Variants in DNM3 observed in about 807,000 individuals in gnomAD.
DNM3 encodes dynamin 3, also known as dynamin-3.
A neutral mutation model predicts 101.6 loss-of-function variants in DNM3; 47 were observed. That is an observed-to-expected ratio of 0.46 (90% CI 0.37 to 0.59). The LOEUF is 0.59. Ranked by LOEUF, DNM3 falls within the 20% of genes least tolerant of loss-of-function variation. The pLI, the probability that DNM3 is intolerant of heterozygous loss-of-function variation, is 0.00. For missense variants in DNM3, 849 were observed against 1,085.7 expected, an observed-to-expected ratio of 0.78 and a Z score of 3.06; for synonymous variants, 385 against 387.9, an observed-to-expected ratio of 0.99 and a Z score of 0.09.
chr1:171,845,137 C>A (rs72713705), intron 1 of DNM3, among the ~76,000 whole-genome samples: 54 of 152,250 alleles, frequency 3.5e-4, no homozygotes, highest in Non-Finnish European at 7.5e-4. Context: ...GTGTTGATGA[C>A]CATAACCCAT....
At chr1:172,075,573 C>G (rs2052585174) in intron 11 of DNM3, among the ~76,000 whole-genome samples, 1 of 152,140 alleles carries the variant, frequency 6.6e-6, no homozygotes, top group Non-Finnish European at 1.5e-5. Flanking sequence ...ATAGGGAATC[C>G]TTTCCCCATT....
intron 14 of DNM3, among the ~76,000 whole-genome samples, chr1:172,157,973 G>A (rs113636947): frequency 6.6e-6 from 1 of 151,952 alleles, no homozygotes; most frequent in Non-Finnish European, 1.5e-5. Context: ...TAGGCACTGG[G>A]GATACAGCAG....
rs191030772 is a variant in DNM3 at position 172,278,000 on chromosome 1, C to T, written c.1769+24318C>T. Among the ~76,000 whole-genome samples the T allele has an allele frequency of 1.3e-3, 204 of 152,220 alleles. 2 individuals carry two copies. Among genetic ancestry groups the T allele is most frequent in the Non-Finnish European group, 1.4e-3 (97 of 67,994 alleles). ...TCCTAAAGGAAAGCATCTCTGAAAG[C>T]ATCTCTCAGCTCAGAGATTCATTGC... On this transcript the variant is annotated intron_variant, in intron 15 of 20. Transcript: ENST00000627582.
chr1:171,992,826 A>G (rs1445447676), intron 4 of DNM3, among the ~76,000 whole-genome samples: 1 of 150,752 alleles, frequency 6.6e-6, no homozygotes, highest in Non-Finnish European at 1.5e-5. Flanking sequence ...TGTGTTAAAT[A>G]TTTATTTTCT....
At position 172,110,960 on chromosome 1, in the gene DNM3, G is replaced by A. The variant is rs552830827; in HGVS notation, c.1545+18085G>A. Among the ~76,000 whole-genome samples the A allele has an allele frequency of 2.1e-3, 321 of 152,288 alleles. 4 individuals carry two copies. Among genetic ancestry groups the A allele is most frequent in the African/African-American group, 7.2e-3 (299 of 41,550 alleles). On this transcript the variant is annotated intron_variant, in intron 13 of 20. Transcript: ENST00000627582. ...CTAATGTGGAAGGATCCCCTGAGCCGGGGAGATCGAGGTTGCAGTAAGCTG... is the reference window on the plus strand; with the variant it reads ...CTAATGTGGAAGGATCCCCTGAGCCAGGGAGATCGAGGTTGCAGTAAGCTG...
intron 12 of DNM3, among the ~76,000 whole-genome samples, chr1:172,091,678 C>G (rs182084370): frequency 6.6e-6 from 1 of 151,990 alleles, no homozygotes; most frequent in Non-Finnish European, 1.5e-5. Flanking sequence ...TTGAGTAGGG[C>G]CTTGTAGACC....
intron 1 of DNM3, among the ~76,000 whole-genome samples, chr1:171,916,593 A>G (rs933518404): frequency 6.6e-6 from 1 of 152,146 alleles, no homozygotes; most frequent in African/African-American, 2.4e-5. Context: ...ACTGCCTTGG[A>G]CTTGACATTT....
At chr1:171,982,787 C>G (rs2044906904) in intron 2 of DNM3, among the ~76,000 whole-genome samples, 1 of 151,950 alleles carries the variant, frequency 6.6e-6, no homozygotes, top group South Asian at 2.1e-4. Context: ...ACAAGTAAAC[C>G]ACATAGTTAA....
intron 20 of DNM3, among the ~76,000 whole-genome samples, chr1:172,403,189 C>CTG (rs1301954025): frequency 1.3e-5 from 2 of 152,188 alleles, no homozygotes; most frequent in Non-Finnish European, 2.9e-5. Context: ...GACTGAACTA[C>CTG]ATAGGCCCAT....
At chr1:172,295,628 C>CA (rs1166352968) in intron 15 of DNM3, among the ~76,000 whole-genome samples, 2 of 151,672 alleles carry the variant, frequency 1.3e-5, no homozygotes, top group Admixed American at 1.3e-4. Context: ...ATATAGAAGC[C>CA]AAAAAGCCAG....
At chr1:172,352,332 T>C (rs1408562712) in intron 17 of DNM3, among the ~76,000 whole-genome samples, 1 of 152,216 alleles carries the variant, frequency 6.6e-6, no homozygotes, top group Non-Finnish European at 1.5e-5. Context: ...TATCTTTTAG[T>C]TGACTATTTG....
intron 16 of DNM3, among the ~76,000 whole-genome samples, chr1:172,314,566 C>T (rs921377324): frequency 3.9e-5 from 6 of 152,218 alleles, no homozygotes; most frequent in African/African-American, 1.2e-4. Flanking sequence ...GCTTAGGAAA[C>T]GGTGCACCAG....
chr1:172,297,820 G>T (rs1461278061), intron 15 of DNM3, among the ~76,000 whole-genome samples: 1 of 151,820 alleles, frequency 6.6e-6, no homozygotes, highest in East Asian at 1.9e-4. Flanking sequence ...CCACCTGATT[G>T]TACTTTTGAT....
intron 14 of DNM3, among the ~76,000 whole-genome samples, chr1:172,171,327 A>G (rs141971699): frequency 6.6e-6 from 1 of 151,738 alleles, no homozygotes; most frequent in African/African-American, 2.4e-5. Flanking sequence ...AGTTATTATG[A>G]TCATGTTATT....
chr1:172,192,858 G>A (rs2059787644), intron 14 of DNM3, among the ~76,000 whole-genome samples: 1 of 151,282 alleles, frequency 6.6e-6, no homozygotes, highest in Non-Finnish European at 1.5e-5. Context: ...TGTCTTTATA[G>A]CAGCATGATT....
intron 17 of DNM3, among the ~76,000 whole-genome samples, chr1:172,338,084 T>C (rs1478444666): frequency 1.3e-5 from 2 of 151,368 alleles, no homozygotes; most frequent in Admixed American, 6.6e-5. Context: ...GCCCGGCTGA[T>C]TTTTGTATTT....
chr1:171,846,775 C>G (rs575815660), intron 1 of DNM3, among the ~76,000 whole-genome samples: 34 of 152,254 alleles, frequency 2.2e-4, no homozygotes, highest in Middle Eastern at 3.4e-3. Flanking sequence ...CTCACACTCT[C>G]TGCATTGATT....
chr1:171,901,112 C>CAAAAAAAAAAA (rs1243053508), intron 1 of DNM3, among the ~76,000 whole-genome samples: 7 of 66,750 alleles, frequency 1.0e-4, no homozygotes, highest in African/African-American at 3.1e-4. Context: ...GACTCTGTCT[C>CAAAAAAAAAAA]AAAAAAAAAA....
intron 14 of DNM3, among the ~76,000 whole-genome samples, chr1:172,233,063 A>T (rs530199245): frequency 3.9e-5 from 6 of 152,340 alleles, no homozygotes; most frequent in Non-Finnish European, 7.3e-5. Context: ...GGAGATAGAG[A>T]CACAAAAACC....
Sources: gnomAD v4.1 joint callset for allele counts (sites outside exome capture counted in the v4.1 genomes callset) on GRCh38, gnomAD v4.1.1 for gene constraint, MANE v1.5 for transcripts, NCBI Gene and HGNC (gene_info 2026-07-23, HGNC 2026-07-21) for gene names.